The following ESRP1 variants were observed in gnomAD, a reference collection of about 807,000 sequenced individuals.
The protein encoded by ESRP1 is epithelial splicing regulatory protein 1, also known as RNA-binding motif protein 35A.
In ESRP1, 33 loss-of-function variants were observed where a neutral mutation model predicts 81.7. The observed-to-expected ratio is 0.40, with a 90% CI of 0.31 to 0.54. The LOEUF (loss-of-function observed/expected upper bound fraction) is 0.54. ESRP1 is among the 20% of genes least tolerant of loss of function. The probability of loss-of-function intolerance (pLI) is 0.41; values close to 1 mark genes in which losing one functional copy is unlikely to be tolerated. For missense variants in ESRP1, 672 were observed against 833.1 expected (o/e 0.81, Z 2.38); for synonymous variants, 320 against 303.3 (o/e 1.06, Z -0.57).
intron 10 of ESRP1, among the ~76,000 whole-genome samples, chr8:94,669,421 A>G (rs2130633154): frequency 6.6e-6 from 1 of 152,300 alleles, no homozygotes; most frequent in Admixed American, 6.5e-5. Flanking sequence ...GTGATTTTAA[A>G]TAATTATGCA....
At chr8:94,698,869 G>A (rs1307275289) in intron 15 of ESRP1, among the ~76,000 whole-genome samples, 1 of 152,150 alleles carries the variant, frequency 6.6e-6, no homozygotes, top group Admixed American at 6.5e-5. Flanking sequence ...GTTCTAAGTT[G>A]GAAGTGAAGA....
chr8:94,678,286 T>C lies in ESRP1; in HGVS notation c.1735T>C (p.Leu579=). The change falls in exon 13 of 16, where the codon TTG becomes CTG. Residue 579 remains leucine, a synonymous_variant. Coordinates refer to ENST00000433389, the MANE Select transcript of ESRP1 (RefSeq NM_017697.4). ...TGCCATTTACCAGCCCTCTGTGATTTTGAATCCACGAGCACTGCAGCCCTC... is the reference window on the plus strand; with the variant it reads ...TGCCATTTACCAGCCCTCTGTGATTCTGAATCCACGAGCACTGCAGCCCTC... ...EAAIYQPSVI[L]NPRALQPSTA... is the part of the protein sequence containing the mutation. 6.2e-7 allele frequency: 1 copy of C among 1,614,028 alleles called. No individual in the cohort carries two copies. The highest frequency in any genetic ancestry group is 8.5e-7 in the Non-Finnish European group (1 of 1,179,892).
At chr8:94,680,069 G>T (rs1586229382) in intron 13 of ESRP1, among the ~76,000 whole-genome samples, 1 of 151,880 alleles carries the variant, frequency 6.6e-6, no homozygotes, top group Non-Finnish European at 1.5e-5. Context: ...CCTGACTAAA[G>T]ATGGGATTTT....
chr8:94,703,425 C>G (rs1178361847), intron 15 of ESRP1, among the ~76,000 whole-genome samples: 1 of 152,158 alleles, frequency 6.6e-6, no homozygotes, highest in South Asian at 2.1e-4. Flanking sequence ...GCTGGGATTA[C>G]AGGCATAAAC....
At chr8:94,701,375 C>T (rs1809833202) in intron 15 of ESRP1, among the ~76,000 whole-genome samples, 1 of 151,982 alleles carries the variant, frequency 6.6e-6, no homozygotes, top group South Asian at 2.1e-4. Context: ...AGAAGTCACA[C>T]TATTCTGTCT....
chr8:94,682,902 T>TATA (rs1193993949), intron 13 of ESRP1, among the ~76,000 whole-genome samples: 3 of 71,702 alleles, frequency 4.2e-5, no homozygotes, highest in African/African-American at 2.3e-4. Flanking sequence ...ATATTCATTA[T>TATA]TTTATATATA....
chr8:94,702,735 G>C (rs911227395), intron 15 of ESRP1, among the ~76,000 whole-genome samples: 1 of 151,970 alleles, frequency 6.6e-6, no homozygotes, highest in Non-Finnish European at 1.5e-5. Context: ...CGCCTGCCTC[G>C]GCCTCCCAAA....
At chr8:94,693,367 C>T (rs562333249) in intron 14 of ESRP1, among the ~76,000 whole-genome samples, 4 of 152,264 alleles carry the variant, frequency 2.6e-5, no homozygotes, top group African/African-American at 4.8e-5. Context: ...TGTTTATTCT[C>T]GTGACTAATG....
At chr8:94,654,927 A>AC (rs1818321106) in intron 4 of ESRP1, among the ~76,000 whole-genome samples, 1 of 151,800 alleles carries the variant, frequency 6.6e-6, no homozygotes, top group Non-Finnish European at 1.5e-5. Flanking sequence ...CTCAAAAAAA[A>AC]AAAAAGAAAA....
intron 13 of ESRP1, 99 bp from the exon 14 acceptor site, chr8:94,692,578 G>A (rs1809446158): frequency 9.3e-6 from 12 of 1,285,236 alleles, no homozygotes; most frequent in Non-Finnish European, 1.3e-5. Context: ...AAGAAAGGTT[G>A]CCTTGAGAAA....
At chr8:94,699,190 C>T (rs73695524) in intron 15 of ESRP1, among the ~76,000 whole-genome samples, 3,093 of 152,252 alleles carry the variant, frequency 0.02, 98 homozygotes, top group African/African-American at 0.069. Context: ...AAACTGACTA[C>T]GAACCATTAC....
At chr8:94,670,533 C>T (rs1226822910) in intron 10 of ESRP1, among the ~76,000 whole-genome samples, 1 of 152,094 alleles carries the variant, frequency 6.6e-6, no homozygotes, top group Non-Finnish European at 1.5e-5. Flanking sequence ...ATTGATTCTT[C>T]TATATTGTCA....
At chr8:94,651,520 A>G (rs998276677) in intron 4 of ESRP1, among the ~76,000 whole-genome samples, 1 of 152,196 alleles carries the variant, frequency 6.6e-6, no homozygotes, top group Non-Finnish European at 1.5e-5. Flanking sequence ...TACCGAGCCA[A>G]ACTTTAATCT....
intron 13 of ESRP1, among the ~76,000 whole-genome samples, chr8:94,685,521 A>G (rs1219184630): frequency 6.6e-6 from 1 of 152,100 alleles, no homozygotes; most frequent in African/African-American, 2.4e-5. Flanking sequence ...AAACAAAACA[A>G]TAGGGTTGGG....
rs536429022 is a variant in ESRP1 at position 94,665,247 on chromosome 8, T to C, written c.931+51T>C. On this transcript the variant is annotated intron_variant, in intron 9 of 15. Coordinates refer to ENST00000433389, the MANE Select transcript of ESRP1 (RefSeq NM_017697.4). ...TTTAGTTAATAAGAATCTAAAAATT[T>C]TGCATACTTAAATTTAGCAAGAGTA... 1.9e-5 allele frequency: 30 copies of C among 1,574,172 alleles called. No homozygotes were observed. In the South Asian group the frequency reaches 3.1e-4, roughly 16 times the overall value.
At chr8:94,699,475 C>A (rs529783285) in intron 15 of ESRP1, among the ~76,000 whole-genome samples, 3 of 151,606 alleles carry the variant, frequency 2.0e-5, no homozygotes, top group African/African-American at 7.3e-5. Flanking sequence ...AACCCTGTCA[C>A]TACGAAAAAA....
intron 13 of ESRP1, among the ~76,000 whole-genome samples, chr8:94,690,123 T>G (rs1225096243): frequency 6.7e-6 from 1 of 149,256 alleles, no homozygotes; most frequent in Non-Finnish European, 1.5e-5. Flanking sequence ...CGGCCTAATT[T>G]TTTTTGTTTT....
chr8:94,682,901 A>AT (rs1415180200), intron 13 of ESRP1, among the ~76,000 whole-genome samples: 1 of 38,700 alleles, frequency 2.6e-5, no homozygotes, highest in African/African-American at 1.2e-4. Context: ...TATATTCATT[A>AT]TTTTATATAT....
At chr8:94,671,757 T>C in intron 11 of ESRP1, 86 bp downstream of exon 11, 3 of 823,832 alleles carry the variant, frequency 3.6e-6, no homozygotes. Context: ...GATAATCTAT[T>C]AGAAATATCT....
Sources: allele counts gnomAD v4.1 joint callset (sites outside exome capture counted in the v4.1 genomes callset), GRCh38; gene constraint gnomAD v4.1.1; transcripts MANE v1.5; gene names NCBI Gene and HGNC (gene_info 2026-07-23, HGNC 2026-07-21).